MIA2: variants seen among roughly 807,000 people sequenced by gnomAD.
The protein encoded by MIA2 is melanoma inhibitory activity protein 2.
MIA2 carries 127 observed loss-of-function variants against 167.8 expected under a neutral mutation model. That is an observed-to-expected ratio of 0.76 (90% confidence interval 0.66 to 0.88). The LOEUF (loss-of-function observed/expected upper bound fraction) is 0.88. MIA2 is among the 40% of genes least tolerant of loss of function. The probability of loss-of-function intolerance (pLI) is 0.00; values close to 1 mark genes in which losing one functional copy is unlikely to be tolerated. For synonymous variants in MIA2, 552 were observed against 541.9 expected, an observed-to-expected ratio of 1.02 and a Z score of -0.26; for missense variants, 1,690 against 1,624.7, an observed-to-expected ratio of 1.04 and a Z score of -0.69.
chr14:39,361,588 G>A (rs559512948), intron 23 of MIA2, among the ~76,000 whole-genome samples: 10 of 152,098 alleles, frequency 6.6e-5, no homozygotes, highest in East Asian at 1.9e-4. Flanking sequence ...ACAGATGTGT[G>A]CCACCACGCC....
chr14:39,266,957 C>A, intron 6 of MIA2: 1 of 677,824 alleles, frequency 1.5e-6, no homozygotes, highest in Middle Eastern at 7.5e-4. Flanking sequence ...TTGTGCGGCT[C>A]ACACGACAGC....
intron 6 of MIA2, chr14:39,265,184 A>G (rs963249058): frequency 5.8e-6 from 3 of 519,018 alleles, no homozygotes; most frequent in Non-Finnish European, 1.0e-5. Flanking sequence ...TATACTTAAC[A>G]ACGAGTGAGG....
intron 9 of MIA2, among the ~76,000 whole-genome samples, chr14:39,285,100 A>G (rs1020661777): frequency 6.6e-6 from 1 of 152,358 alleles, no homozygotes; most frequent in African/African-American, 2.4e-5. Flanking sequence ...ATCCCAAGGC[A>G]GAAGAATTTT....
intron 6 of MIA2, among the ~76,000 whole-genome samples, chr14:39,259,937 C>G (rs2055010761): frequency 6.6e-6 from 1 of 152,166 alleles, no homozygotes; most frequent in African/African-American, 2.4e-5. Context: ...CAATTCCCAC[C>G]TATGAGTGAG....
At chr14:39,343,506 T>C (rs1173807320) in intron 25 of MIA2, among the ~76,000 whole-genome samples, 1 of 97,964 alleles carries the variant, frequency 1.0e-5, no homozygotes, top group African/African-American at 3.6e-5. Context: ...GAATGAAGTA[T>C]ATGAGAGTAG....
chr14:39,347,989 A>G (rs907124756), intron 27 of MIA2, among the ~76,000 whole-genome samples: 17 of 151,662 alleles, frequency 1.1e-4, no homozygotes, highest in African/African-American at 3.9e-4. Flanking sequence ...ATTTTTGTAT[A>G]TTTAGTAGAG....
intron 13 of MIA2, among the ~76,000 whole-genome samples, chr14:39,298,588 C>A (rs1401485416): frequency 2.1e-5 from 2 of 93,260 alleles, no homozygotes; most frequent in African/African-American, 4.2e-5. Context: ...CACCTGGGTG[C>A]GCAGGCGGGC....
chr14:39,253,460 T>A (rs902167708), intron 6 of MIA2: 3 of 424,884 alleles, frequency 7.1e-6, no homozygotes, highest in Non-Finnish European at 1.3e-5. Flanking sequence ...ACTAAATAAG[T>A]TAACTCAGGA....
chr14:39,269,810 T>A (rs1026056301), intron 6 of MIA2, among the ~76,000 whole-genome samples: 1 of 152,182 alleles, frequency 6.6e-6, no homozygotes, highest in Admixed American at 6.5e-5. Context: ...CGTGAGCCAC[T>A]TCGCCTGGCC....
intron 6 of MIA2, chr14:39,276,425 C>G (rs531716804): frequency 1.3e-5 from 2 of 153,506 alleles, no homozygotes; most frequent in South Asian, 4.1e-4. Flanking sequence ...TGGGGAGATT[C>G]AAACTCCAAA....
chr14:39,357,731 C>G (rs1280112965), intron 23 of MIA2, among the ~76,000 whole-genome samples: 1 of 152,130 alleles, frequency 6.6e-6, no homozygotes, highest in Non-Finnish European at 1.5e-5. Context: ...TTCAGGAGCT[C>G]CCGTAGGGCA....
chr14:39,268,011 C>G (rs17693410), intron 6 of MIA2, among the ~76,000 whole-genome samples: 26,334 of 150,072 alleles, frequency 0.18, 2,483 homozygotes, highest in Middle Eastern at 0.27. Flanking sequence ...GAATGAATGC[C>G]CTTTTGAGAT....
rs545857839 is a variant in MIA2, at chr14:39,273,433, G to A, written c.1888-3501G>A. Among the ~76,000 whole-genome samples the A allele has an allele frequency of 1.6e-4, 25 of 152,008 alleles. No individual in the cohort carries two copies. In the South Asian group the frequency reaches 2.9e-3, roughly 18 times the overall value. On this transcript the variant is annotated intron_variant, in intron 6 of 28. Transcript: ENST00000640607. The stretch of plus-strand genomic sequence containing the variant: ...AGTGGCATGATCATGATTCACTGCC[G>A]TCTCGACTTCCTGGGCACAGGTGAT...
At chr14:39,293,493 C>T in intron 11 of MIA2, 112 bp downstream of exon 11, 2 of 810,370 alleles carry the variant, frequency 2.5e-6, no homozygotes, top group Non-Finnish European at 3.8e-6. Flanking sequence ...GTAAAGAATA[C>T]AGGTGGTTGT....
At chr14:39,345,837 C>A in intron 25 of MIA2, 67 bp from the exon 26 acceptor site, 3 of 1,379,226 alleles carry the variant, frequency 2.2e-6, no homozygotes, top group South Asian at 1.3e-5. Context: ...AAGTTCAATA[C>A]GTTAAACTTA....
intron 23 of MIA2, among the ~76,000 whole-genome samples, chr14:39,376,203 C>T (rs1415650443): frequency 2.6e-5 from 4 of 152,198 alleles, no homozygotes; most frequent in Non-Finnish European, 5.9e-5. Flanking sequence ...ATCTGCCTGC[C>T]TTGACCTCCC....
At chr14:39,362,805 ATGTC>A (rs1014382940) in intron 23 of MIA2, among the ~76,000 whole-genome samples, 3 of 152,046 alleles carry the variant, frequency 2.0e-5, no homozygotes, top group African/African-American at 7.2e-5. Flanking sequence ...TTTTATATAG[ATGTC>A]TGTTGCTATA....
At chr14:39,354,670 C>T (rs1226960175), downstream of MIA2, among the ~76,000 whole-genome samples, 1 of 152,134 alleles carries the variant, frequency 6.6e-6, no homozygotes, top group Non-Finnish European at 1.5e-5. Context: ...CCTAGGTTTT[C>T]TTCTAGGGTT....
At chr14:39,266,118 G>T in intron 6 of MIA2, 6 of 985,420 alleles carry the variant, frequency 6.1e-6, no homozygotes, top group African/African-American at 3.5e-5. Context: ...ATTTCCTAAG[G>T]ATTTAAGATT....
Sources: gnomAD v4.1 joint callset for allele counts (sites outside exome capture counted in the v4.1 genomes callset) on GRCh38, gnomAD v4.1.1 for gene constraint, MANE v1.5 for transcripts, NCBI Gene and HGNC (gene_info 2026-07-23, HGNC 2026-07-21) for gene names.